GLIS3: variants seen among roughly 807,000 people sequenced by gnomAD.
GLIS3 encodes the protein zinc finger protein GLIS3.
GLIS3 carries 53 observed loss-of-function variants against 78.6 expected under a neutral mutation model. The ratio of observed to expected loss-of-function variants is 0.67; its 90% CI spans 0.54 to 0.85. The LOEUF is 0.85. Ranked by LOEUF, GLIS3 falls within the 40% of genes least tolerant of loss-of-function variation. The pLI, the probability that GLIS3 is intolerant of heterozygous loss-of-function variation, is 0.00. For synonymous variants in GLIS3, 684 were observed against 509.9 expected (o/e 1.34, Z -4.60); for missense variants, 1,703 against 1,231.1 (o/e 1.38, Z -5.74).
intron 4 of GLIS3, among the ~76,000 whole-genome samples, chr9:4,097,929 C>T (rs1026980251): frequency 1.3e-5 from 2 of 152,156 alleles, no homozygotes; most frequent in African/African-American, 2.4e-5. Context: ...TGGGTCATTT[C>T]TAGGCTCCAT....
chr9:4,052,501 C>A (rs1017395398), intron 4 of GLIS3, among the ~76,000 whole-genome samples: 1 of 152,140 alleles, frequency 6.6e-6, no homozygotes, highest in Non-Finnish European at 1.5e-5. Context: ...CCCACTCACA[C>A]CCTGGCCCCT....
At chr9:4,487,467 G>T in the GLIS3 span, among the ~76,000 whole-genome samples, 1 of 151,848 alleles carries the variant, frequency 6.6e-6, no homozygotes, top group African/African-American at 2.4e-5. Flanking sequence ...TTTAAGCCAG[G>T]TGCCCAAGGT....
chr9:4,467,929 T>C, the GLIS3 span, among the ~76,000 whole-genome samples: 1 of 152,142 alleles, frequency 6.6e-6, no homozygotes, highest in Non-Finnish European at 1.5e-5. Context: ...ATAAACAGCA[T>C]AGAGAAGACC....
chr9:4,369,534 G>T, the GLIS3 span, among the ~76,000 whole-genome samples: 1 of 152,174 alleles, frequency 6.6e-6, no homozygotes, highest in Admixed American at 6.5e-5. Flanking sequence ...TGGTGCCACA[G>T]GAAGAACATT....
At chr9:4,188,726 A>T (rs1053138733) in intron 2 of GLIS3, among the ~76,000 whole-genome samples, 1 of 152,094 alleles carries the variant, frequency 6.6e-6, no homozygotes, top group Non-Finnish European at 1.5e-5. Flanking sequence ...TAGTCATGGG[A>T]GGGTGTATGT....
intron 4 of GLIS3, among the ~76,000 whole-genome samples, chr9:4,109,791 G>A (rs1831060937): frequency 6.6e-6 from 1 of 152,124 alleles, no homozygotes; most frequent in Non-Finnish European, 1.5e-5. Flanking sequence ...AACTACTTGA[G>A]AATTGTTTCT....
chr9:3,992,662 T>G (rs983272843), intron 4 of GLIS3, among the ~76,000 whole-genome samples: 1 of 152,246 alleles, frequency 6.6e-6, no homozygotes, highest in Non-Finnish European at 1.5e-5. Context: ...TTTCAACTTT[T>G]GACAATTTTT....
In GLIS3 at chr9:4,118,996, T is replaced by C. The variant is rs1239956339; in HGVS notation, c.597-115A>G. ...ACAATCCCTTAAGTATTTCCCCTAA[T>C]TACATTCTGTGCTAAACACACATTC... On this transcript the variant is annotated intron_variant, in intron 3 of 10. Coordinates refer to ENST00000381971, the MANE Select transcript of GLIS3 (RefSeq NM_001042413.2). The surrounding 1 kb of genome is among the most constrained non-coding windows in gnomAD (Gnocchi z 4.7). 1.8e-6 allele frequency: 2 copies of C among 1,107,828 alleles called. No homozygotes were observed. Among genetic ancestry groups the C allele is most frequent in the East Asian group, 5.1e-5 (2 of 38,960 alleles). 68.6% of individuals were successfully genotyped at this position (1,107,828 alleles called of 1,614,324 possible).
chr9:4,443,467 A>G, the GLIS3 span, among the ~76,000 whole-genome samples: 2 of 152,254 alleles, frequency 1.3e-5, no homozygotes, highest in Non-Finnish European at 2.9e-5. Context: ...ATAATAAATT[A>G]GAAGTTGACT....
intron 2 of GLIS3, among the ~76,000 whole-genome samples, chr9:4,197,025 G>A (rs937978548): frequency 1.3e-5 from 2 of 152,092 alleles, no homozygotes; most frequent in African/African-American, 2.4e-5. Context: ...GACATAGATC[G>A]TGGTGCAGTG....
the GLIS3 span, among the ~76,000 whole-genome samples, chr9:4,357,448 C>CT: frequency 6.6e-6 from 1 of 152,150 alleles, no homozygotes; most frequent in Non-Finnish European, 1.5e-5. Context: ...TATCGCTCTC[C>CT]TGCTTCTCAG....
intron 4 of GLIS3, among the ~76,000 whole-genome samples, chr9:4,041,271 G>A (rs1824790436): frequency 1.3e-5 from 2 of 152,136 alleles, no homozygotes; most frequent in Non-Finnish European, 2.9e-5. Context: ...GTTTGCTACC[G>A]GCCTCTATTT....
the GLIS3 span, among the ~76,000 whole-genome samples, chr9:4,455,506 T>C: frequency 6.6e-5 from 10 of 152,204 alleles, no homozygotes; most frequent in Non-Finnish European, 1.2e-4. Flanking sequence ...GTTCCAGCCC[T>C]GTCACTAAAC....
At chr9:4,450,049 C>G in the GLIS3 span, among the ~76,000 whole-genome samples, 1 of 152,024 alleles carries the variant, frequency 6.6e-6, no homozygotes, top group Non-Finnish European at 1.5e-5. Flanking sequence ...CAAACTTCTC[C>G]AAGCTAAAGA....
In GLIS3 at chr9:4,299,701, G is replaced by C. The variant is rs529345219; in HGVS notation, c.-379C>G. 1 of 152,462 alleles carries C rather than the reference G, an allele frequency of 6.6e-6. No homozygotes were observed. Among genetic ancestry groups the C allele is most frequent in the Non-Finnish European group, 1.5e-5 (1 of 68,126 alleles). 9.4% of individuals were successfully genotyped at this position (152,462 alleles called of 1,614,324 possible). A position where few individuals can be genotyped will look rare whatever the true frequency, so the allele number is the denominator to read the frequency against. On this transcript the variant is annotated 5_prime_UTR_variant, in exon 1 of 11. Transcript: ENST00000381971. ...GCAGAGGCGGGGTGGCTGGACCCTC[G>C]GCATCAGCTCATTCTCCCCTGCTAC...
At chr9:4,292,609 G>C (rs1190732210) in intron 1 of GLIS3, among the ~76,000 whole-genome samples, 2 of 152,158 alleles carry the variant, frequency 1.3e-5, no homozygotes, top group African/African-American at 4.8e-5. Flanking sequence ...ATGATACAAA[G>C]CTTCATTCCT....
chr9:4,385,785 GAAAGAAAGAAAGAAAGAAAGAAAGA>G, the GLIS3 span, among the ~76,000 whole-genome samples: 706 of 77,304 alleles, frequency 9.1e-3, 146 homozygotes, highest in African/African-American at 0.039. Context: ...AAGAAAGAAA[GAAAGAAAGAAAGAAAGAAAGAAAGA>G]AAAGAAAGAA....
chr9:4,286,641 C>T (rs947201236), intron 1 of GLIS3, 118 bp from the exon 2 acceptor site: 25 of 611,958 alleles, frequency 4.1e-5, no homozygotes, highest in African/African-American at 4.1e-4. Flanking sequence ...AGCAAGATGG[C>T]CTTTTATGTA....
chr9:4,331,874 G>A (rs57903073), intron 2 of GLIS3, among the ~76,000 whole-genome samples: 12,068 of 152,114 alleles, frequency 0.079, 761 homozygotes, highest in East Asian at 0.22. Flanking sequence ...GAGAAAATAT[G>A]ATTTATTACA....
Sources: gnomAD v4.1 joint callset for allele counts (sites outside exome capture counted in the v4.1 genomes callset) on GRCh38, gnomAD v4.1.1 for gene constraint, Gnocchi (gnomAD v3.1) non-coding constraint, MANE v1.5 for transcripts, NCBI Gene and HGNC (gene_info 2026-07-23, HGNC 2026-07-21) for gene names.